GPC6: variants seen among roughly 807,000 people sequenced by gnomAD.
GPC6 encodes glypican 6.
Under a neutral mutation model 55.2 loss-of-function variants are expected in GPC6, and 14 were observed. The ratio of observed to expected loss-of-function variants is 0.25; its 90% CI spans 0.17 to 0.40. The LOEUF is 0.40. Among genes scored for constraint, GPC6 ranks in the 10% least tolerant of loss-of-function variants. The pLI is 1.00. For synonymous variants in GPC6, 278 were observed against 259.6 expected (o/e 1.07, Z -0.68); for missense variants, 641 against 708.5 (o/e 0.90, Z 1.08).
At chr13:93,470,353 AT>A (rs1879064573) in intron 1 of GPC6, among the ~76,000 whole-genome samples, 1 of 151,962 alleles carries the variant, frequency 6.6e-6, no homozygotes. Flanking sequence ...TCTTCATATT[AT>A]TTTTCTGCAT....
At chr13:94,175,206 G>C (rs1888705590) in intron 4 of GPC6, among the ~76,000 whole-genome samples, 2 of 152,118 alleles carry the variant, frequency 1.3e-5, no homozygotes, top group South Asian at 4.1e-4. Flanking sequence ...CTCTATTGCA[G>C]GACTGGCAAA....
rs552436815 is a variant in GPC6 at position 93,952,911 on chromosome 13, A to G, written c.712-74818A>G. ...GTGTGATATATACGTGTATATATGT[A>G]TATATATACACGTATATATATAGTC... On this transcript the variant is annotated intron_variant, in intron 3 of 8. Coordinates refer to ENST00000377047, the MANE Select transcript of GPC6 (RefSeq NM_005708.5). 1.4e-4 allele frequency among the ~76,000 whole-genome samples: 20 copies of G among 147,546 alleles called. 1 individual carries two copies. Among genetic ancestry groups the G allele is most frequent in the African/African-American group, 4.9e-4 (20 of 40,708 alleles).
intron 2 of GPC6, among the ~76,000 whole-genome samples, chr13:93,722,473 A>G (rs1883487400): frequency 6.6e-6 from 1 of 151,830 alleles, no homozygotes; most frequent in Admixed American, 6.6e-5. Context: ...AGTAAGACCT[A>G]AGTCTTACTA....
At position 93,730,689 on chromosome 13, in the gene GPC6, T is replaced by C. The variant is rs185829998; in HGVS notation, c.320-99465T>C. 2.7e-4 allele frequency among the ~76,000 whole-genome samples: 41 copies of C among 152,298 alleles called. No homozygotes were observed. The East Asian group carries it at 6.9e-3, about 26-fold the overall frequency. ...CATTAGTTTTTAGAGCACACTGAGT[T>C]AATTATATTGCTCACTAGCTTTTCA... On this transcript the variant is annotated intron_variant, in intron 2 of 8. Coordinates refer to ENST00000377047, the MANE Select transcript of GPC6 (RefSeq NM_005708.5).
chr13:93,507,157 T>G (rs1880768002), intron 1 of GPC6, among the ~76,000 whole-genome samples: 1 of 149,454 alleles, frequency 6.7e-6, no homozygotes, highest in African/African-American at 2.5e-5. Flanking sequence ...AGCATCCCTG[T>G]GAAAGATAAA....
At chr13:93,861,833 G>C (rs2183429) in intron 3 of GPC6, among the ~76,000 whole-genome samples, 101,114 of 151,488 alleles carry the variant, frequency 0.67, 34,397 homozygotes, top group East Asian at 0.81. Context: ...CCTTCTGGAC[G>C]TTATTTTACA....
intron 4 of GPC6, among the ~76,000 whole-genome samples, chr13:94,235,088 A>G (rs886635386): frequency 6.6e-5 from 10 of 152,036 alleles, no homozygotes; most frequent in African/African-American, 2.2e-4. Flanking sequence ...AAGGGAGTAA[A>G]TTTACGTTGG....
intron 3 of GPC6, among the ~76,000 whole-genome samples, chr13:93,938,695 A>G (rs1476005274): frequency 1.3e-5 from 2 of 152,246 alleles, no homozygotes; most frequent in African/African-American, 2.4e-5. Flanking sequence ...AATTAGAAGC[A>G]TTCAACTCAC....
At chr13:93,497,418 C>T (rs1880347561) in intron 1 of GPC6, among the ~76,000 whole-genome samples, 1 of 152,202 alleles carries the variant, frequency 6.6e-6, no homozygotes, top group South Asian at 2.1e-4. Context: ...ATCAGCGCTT[C>T]TTACTGTATT....
intron 1 of GPC6, among the ~76,000 whole-genome samples, chr13:93,484,370 A>T (rs997070899): frequency 6.6e-6 from 1 of 152,120 alleles, no homozygotes; most frequent in African/African-American, 2.4e-5. Flanking sequence ...CCTTATGCAA[A>T]TTGTCTCACT....
chr13:93,637,096 T>C (rs1879733499), intron 2 of GPC6, among the ~76,000 whole-genome samples: 1 of 152,058 alleles, frequency 6.6e-6, no homozygotes, highest in South Asian at 2.1e-4. Flanking sequence ...TTGGAGGGGA[T>C]GGGGGCATAA....
chr13:93,685,664 G>C (rs1882022761), intron 2 of GPC6, among the ~76,000 whole-genome samples: 1 of 152,094 alleles, frequency 6.6e-6, no homozygotes, highest in African/African-American at 2.4e-5. Flanking sequence ...TGGTGCTGAT[G>C]AGCCTGGAGT....
intron 2 of GPC6, among the ~76,000 whole-genome samples, chr13:93,670,161 G>A (rs1010325996): frequency 6.6e-6 from 1 of 152,124 alleles, no homozygotes; most frequent in African/African-American, 2.4e-5. Flanking sequence ...CTCCTAGTCA[G>A]TTTGCTTGCC....
chr13:94,226,640 T>C (rs1015624261), intron 4 of GPC6, among the ~76,000 whole-genome samples: 7 of 152,182 alleles, frequency 4.6e-5, no homozygotes, highest in Non-Finnish European at 1.0e-4. Flanking sequence ...AACACATACA[T>C]CACAGTGGCC....
At chr13:93,851,972 G>A (rs2139013401) in intron 3 of GPC6, among the ~76,000 whole-genome samples, 1 of 151,786 alleles carries the variant, frequency 6.6e-6, no homozygotes, top group East Asian at 1.9e-4. Context: ...GTAAGCAATA[G>A]CAGATTCCTA....
In GPC6 at chr13:94,306,214, TA is replaced by T. The variant is rs1356008114; in HGVS notation, c.1152+92del. On this transcript the variant is annotated intron_variant, in intron 6 of 8. Coordinates refer to ENST00000377047, the MANE Select transcript of GPC6 (RefSeq NM_005708.5). ...CCCAGGAGATTCTGGAAAAGTTTGT[TA>T]TAAGAGTCATCTCATGCTTATATCT... 3.7e-6 allele frequency: 5 copies of T among 1,348,774 alleles called. No individual in the cohort carries two copies. In the African/African-American group the frequency reaches 5.7e-5, roughly 15 times the overall value. 83.6% of individuals were successfully genotyped at this position (1,348,774 alleles called of 1,614,324 possible).
intron 1 of GPC6, among the ~76,000 whole-genome samples, chr13:93,426,395 C>T (rs1427897553): frequency 7.7e-6 from 1 of 129,716 alleles, no homozygotes; most frequent in Non-Finnish European, 1.6e-5. Context: ...CCTCCCCCCA[C>T]CCCACAACAG....
chr13:94,204,461 A>G (rs866050038), intron 4 of GPC6, among the ~76,000 whole-genome samples: 1 of 152,178 alleles, frequency 6.6e-6, no homozygotes, highest in Non-Finnish European at 1.5e-5. Flanking sequence ...CCATTCCTCT[A>G]TATACCACAT....
At chr13:93,229,543 A>G (rs1875938892) in intron 1 of GPC6, among the ~76,000 whole-genome samples, 1 of 152,186 alleles carries the variant, frequency 6.6e-6, no homozygotes, top group Non-Finnish European at 1.5e-5. Context: ...TCAGTGTAAA[A>G]CAATTTCTGT....
Sources: gnomAD v4.1 joint callset for allele counts (sites outside exome capture counted in the v4.1 genomes callset) on GRCh38, gnomAD v4.1.1 for gene constraint, MANE v1.5 for transcripts, NCBI Gene and HGNC (gene_info 2026-07-23, HGNC 2026-07-21) for gene names.